PDE1C: variants seen among roughly 807,000 people sequenced by gnomAD.
PDE1C encodes the protein dual specificity calcium/calmodulin-dependent 3',5'-cyclic nucleotide phosphodiesterase 1C.
A neutral mutation model predicts 93.1 loss-of-function variants in PDE1C; 62 were observed. The ratio of observed to expected loss-of-function variants is 0.67; its 90% CI spans 0.54 to 0.82. The LOEUF (loss-of-function observed/expected upper bound fraction) is 0.82, where lower values mean the gene tolerates loss of function less well. Among genes scored for constraint, PDE1C ranks in the 40% least tolerant of loss-of-function variants. The probability of loss-of-function intolerance (pLI) is 0.00; values close to 1 mark genes in which losing one functional copy is unlikely to be tolerated. For missense variants in PDE1C, 742 were observed against 884.6 expected, an observed-to-expected ratio of 0.84 and a Z score of 2.04; for synonymous variants, 325 against 310.1, an observed-to-expected ratio of 1.05 and a Z score of -0.50.
chr7:31,690,133 C>T, the PDE1C span, among the ~76,000 whole-genome samples: 1 of 152,226 alleles, frequency 6.6e-6, no homozygotes, highest in Non-Finnish European at 1.5e-5. Flanking sequence ...CTGCTTTGCT[C>T]AGAGGAGGCC....
At chr7:31,692,570 G>A in the PDE1C span, 2 of 1,529,722 alleles carry the variant, frequency 1.3e-6, no homozygotes, top group Admixed American at 3.4e-5. Flanking sequence ...AGTCAGAGAA[G>A]AGGCGTCTCA....
At chr7:31,956,345 G>T (rs1808138668) in intron 2 of PDE1C, among the ~76,000 whole-genome samples, 1 of 152,038 alleles carries the variant, frequency 6.6e-6, no homozygotes, top group Non-Finnish European at 1.5e-5. Context: ...GCCTGCCAGG[G>T]CCTCCCAAAG....
intron 2 of PDE1C, among the ~76,000 whole-genome samples, chr7:31,927,869 G>A (rs1803610810): frequency 6.6e-6 from 1 of 152,066 alleles, no homozygotes; most frequent in South Asian, 2.1e-4. Context: ...CCAAAAACCA[G>A]AATACCTCAT....
chr7:31,755,648 A>G (rs1204714581), intron 17 of PDE1C, among the ~76,000 whole-genome samples: 2 of 152,224 alleles, frequency 1.3e-5, no homozygotes, highest in African/African-American at 4.8e-5. Flanking sequence ...AGATCTACTG[A>G]ATGATCAAAA....
At chr7:31,914,522 C>G (rs1801638017) in intron 2 of PDE1C, among the ~76,000 whole-genome samples, 1 of 152,176 alleles carries the variant, frequency 6.6e-6, no homozygotes, top group Non-Finnish European at 1.5e-5. Flanking sequence ...CTAACATAAT[C>G]CCTTTCCCTT....
At chr7:32,232,359 A>G (rs1807760214) in intron 1 of PDE1C, among the ~76,000 whole-genome samples, 2 of 152,180 alleles carry the variant, frequency 1.3e-5, no homozygotes, top group Admixed American at 6.5e-5. Context: ...ATTCTTTTGC[A>G]CCTTAGCACC....
At chr7:31,619,022 A>AAT in the PDE1C span, among the ~76,000 whole-genome samples, 6 of 152,156 alleles carry the variant, frequency 3.9e-5, no homozygotes, top group Non-Finnish European at 8.8e-5. Flanking sequence ...TGAGAGAGGA[A>AAT]ATCCCTCTCT....
At chr7:32,407,162 C>A (rs1975643) in intron 1 of PDE1C, among the ~76,000 whole-genome samples, 85,232 of 151,286 alleles carry the variant, frequency 0.56, 25,913 homozygotes, top group Non-Finnish European at 0.68. Flanking sequence ...ATAATCCCAG[C>A]CACTTGGGAG....
intron 2 of PDE1C, among the ~76,000 whole-genome samples, chr7:32,036,028 C>T (rs1234575191): frequency 3.3e-5 from 5 of 152,186 alleles, no homozygotes; most frequent in Admixed American, 3.3e-4. Context: ...ATTCAGCCAA[C>T]ATAGCAGTGG....
At chr7:32,015,784 A>T (rs1787819856) in intron 2 of PDE1C, among the ~76,000 whole-genome samples, 1 of 152,194 alleles carries the variant, frequency 6.6e-6, no homozygotes, top group Non-Finnish European at 1.5e-5. Context: ...GAGCTTTTTC[A>T]TGGAAATATG....
chr7:32,107,187 G>T (rs541665332), intron 3 of PDE1C, among the ~76,000 whole-genome samples: 2 of 150,752 alleles, frequency 1.3e-5, no homozygotes, highest in South Asian at 4.2e-4. Context: ...CAAGAACCTA[G>T]GACAATTACA....
intron 1 of PDE1C, among the ~76,000 whole-genome samples, chr7:32,363,239 C>T (rs1585126311): frequency 6.6e-6 from 1 of 152,320 alleles, no homozygotes; most frequent in Non-Finnish European, 1.5e-5. Flanking sequence ...GTATGATCAT[C>T]TCATTGTATG....
chr7:32,341,441 C>T (rs1027969362), intron 1 of PDE1C, among the ~76,000 whole-genome samples: 1 of 151,758 alleles, frequency 6.6e-6, no homozygotes, highest in African/African-American at 2.4e-5. Context: ...TCCCAAAGTG[C>T]TGGGATTACA....
chr7:31,923,240 G>C (rs1044833195), intron 2 of PDE1C, among the ~76,000 whole-genome samples: 2 of 152,078 alleles, frequency 1.3e-5, no homozygotes, highest in African/African-American at 4.8e-5. Flanking sequence ...TTCTCACCTG[G>C]ACCACACAAC....
intron 3 of PDE1C, among the ~76,000 whole-genome samples, chr7:32,142,522 A>G (rs902797087): frequency 1.3e-4 from 19 of 151,988 alleles, no homozygotes; most frequent in Admixed American, 1.2e-3. Flanking sequence ...CCACAGAAAA[A>G]CTGCACTTCC....
intron 1 of PDE1C, among the ~76,000 whole-genome samples, chr7:32,067,663 C>T (rs985517729): frequency 1.3e-5 from 2 of 152,196 alleles, no homozygotes; most frequent in Non-Finnish European, 2.9e-5. Flanking sequence ...AACTCTGCCA[C>T]ACATCTTGCC....
intron 3 of PDE1C, among the ~76,000 whole-genome samples, chr7:32,153,505 G>A (rs1259945156): frequency 6.6e-6 from 1 of 152,176 alleles, no homozygotes; most frequent in South Asian, 2.1e-4. Flanking sequence ...GGGGAGCCTG[G>A]AACAAGCAGA....
At chr7:31,903,230 G>A (rs1800198031) in intron 2 of PDE1C, among the ~76,000 whole-genome samples, 1 of 151,854 alleles carries the variant, frequency 6.6e-6, no homozygotes, top group South Asian at 2.1e-4. Context: ...TTTTGCAAAT[G>A]GGAGTCATGG....
At chr7:31,911,684 T>C (rs957809610) in intron 2 of PDE1C, among the ~76,000 whole-genome samples, 1 of 152,190 alleles carries the variant, frequency 6.6e-6, no homozygotes, top group African/African-American at 2.4e-5. Context: ...GTGTGCATCA[T>C]TTCACTGAAA....
Sources: gnomAD v4.1 joint callset for allele counts (sites outside exome capture counted in the v4.1 genomes callset) on GRCh38, gnomAD v4.1.1 for gene constraint, MANE v1.5 for transcripts, NCBI Gene and HGNC (gene_info 2026-07-23, HGNC 2026-07-21) for gene names.